Variants in ADAMTS2 observed in about 807,000 individuals in gnomAD.
The protein encoded by ADAMTS2 is ADAM metallopeptidase with thrombospondin type 1 motif 2, also known as A disintegrin and metalloproteinase with thrombospondin motifs 2.
ADAMTS2 carries 50 observed loss-of-function variants against 123.0 expected under a neutral mutation model. That is an observed-to-expected ratio of 0.41 (90% CI 0.32 to 0.51). The LOEUF is 0.51. Ranked by LOEUF, ADAMTS2 falls within the 20% of genes least tolerant of loss-of-function variation. The pLI is 0.35. For missense variants in ADAMTS2, 1,494 were observed against 1,705.2 expected, an observed-to-expected ratio of 0.88 and a Z score of 2.18; for synonymous variants, 678 against 695.4, an observed-to-expected ratio of 0.98 and a Z score of 0.39.
chr5:179,305,669 T>C (rs1172352970), intron 2 of ADAMTS2, among the ~76,000 whole-genome samples: 1 of 151,940 alleles, frequency 6.6e-6, no homozygotes, highest in Non-Finnish European at 1.5e-5. Context: ...ATGAAAATAA[T>C]AGAGAAGATC....
intron 2 of ADAMTS2, among the ~76,000 whole-genome samples, chr5:179,315,760 G>GGAGAGAA (rs1756973859): frequency 1.3e-5 from 2 of 152,016 alleles, no homozygotes; most frequent in Non-Finnish European, 2.9e-5. Context: ...ACTGGAGAGA[G>GGAGAGAA]GGCTTGGTGG....
chr5:179,241,587 G>A (rs575791219), intron 3 of ADAMTS2, among the ~76,000 whole-genome samples: 1 of 152,336 alleles, frequency 6.6e-6, no homozygotes, highest in Non-Finnish European at 1.5e-5. Context: ...TAATTTCAGT[G>A]TATTAAAATC....
At chr5:179,276,310 C>T (rs1023005744) in intron 2 of ADAMTS2, among the ~76,000 whole-genome samples, 1 of 152,130 alleles carries the variant, frequency 6.6e-6, no homozygotes, top group East Asian at 1.9e-4. Context: ...GGTCCCGGTG[C>T]GTGGTGTGGA....
At position 179,121,762 on chromosome 5, in the gene ADAMTS2, A is replaced by G; in HGVS notation, c.3089-12T>C. The stretch of plus-strand genomic sequence containing the variant: ...ATCTGAGATGTTTCCTAGAGGGAGG[A>G]GAGAGGGGCTGCGGCCGCAGGGCAC... On this transcript the variant is annotated splice_polypyrimidine_tract_variant and intron_variant, in intron 20 of 21. Transcript: ENST00000251582. 3.3e-6 allele frequency: 5 copies of G among 1,537,434 alleles called. No individual in the cohort carries two copies. The highest frequency in any genetic ancestry group is 4.4e-6 in the Non-Finnish European group (5 of 1,136,092).
chr5:179,240,608 C>A (rs576372274), intron 3 of ADAMTS2, among the ~76,000 whole-genome samples: 1 of 152,268 alleles, frequency 6.6e-6, no homozygotes, highest in African/African-American at 2.4e-5. Flanking sequence ...AAGGCCAAAT[C>A]CAGTGGGGAG....
chr5:179,131,912 C>G (rs1384089465), intron 15 of ADAMTS2, among the ~76,000 whole-genome samples: 9 of 152,190 alleles, frequency 5.9e-5, no homozygotes, highest in Non-Finnish European at 1.3e-4. Flanking sequence ...GGGCAGGGGG[C>G]CTTCCCGCCC....
intron 2 of ADAMTS2, among the ~76,000 whole-genome samples, chr5:179,296,302 G>A (rs1012800381): frequency 6.6e-6 from 1 of 152,188 alleles, no homozygotes; most frequent in Non-Finnish European, 1.5e-5. Context: ...TCAAGGGACG[G>A]GCAGGGGCAA....
At chr5:179,309,488 T>C (rs1485970038) in intron 2 of ADAMTS2, among the ~76,000 whole-genome samples, 4 of 152,030 alleles carry the variant, frequency 2.6e-5, no homozygotes, top group Admixed American at 1.3e-4. Flanking sequence ...TGCAGAAAGC[T>C]GGGGCTGACT....
At chr5:179,164,945 T>C (rs1462164331) in intron 5 of ADAMTS2, among the ~76,000 whole-genome samples, 1 of 152,204 alleles carries the variant, frequency 6.6e-6, no homozygotes, top group South Asian at 2.1e-4. Flanking sequence ...AAGAAACTGA[T>C]GTCCAGGCAG....
At chr5:179,270,893 G>A (rs1481610751) in intron 3 of ADAMTS2, among the ~76,000 whole-genome samples, 1 of 152,162 alleles carries the variant, frequency 6.6e-6, no homozygotes, top group Non-Finnish European at 1.5e-5. Flanking sequence ...CCAAGTTCTG[G>A]GATCCAGACC....
chr5:179,288,084 G>A (rs550847170), intron 2 of ADAMTS2, among the ~76,000 whole-genome samples: 1 of 152,322 alleles, frequency 6.6e-6, no homozygotes, highest in East Asian at 1.9e-4. Context: ...CCCAGCCAGA[G>A]GACCCCCCCT....
intron 2 of ADAMTS2, among the ~76,000 whole-genome samples, chr5:179,282,278 G>A (rs1368056016): frequency 6.6e-6 from 1 of 152,186 alleles, no homozygotes; most frequent in East Asian, 1.9e-4. Flanking sequence ...GCTCTTACAT[G>A]TAGATCTATG....
In ADAMTS2 at chr5:179,285,819, C is replaced by G. The variant is rs1262798046; in HGVS notation, c.535-12755G>C. Among the ~76,000 whole-genome samples, 2 of 152,220 alleles carry G rather than the reference C, an allele frequency of 1.3e-5. No individual in the cohort carries two copies. The highest frequency in any genetic ancestry group is 4.8e-5 in the African/African-American group (2 of 41,462). Reference sequence around the variant, plus strand: ...CTATCAAAAAGCAAGATTTTTCTTTCTGAGCTTCCATGTCTCACCAGCTGG... The same window carrying G: ...CTATCAAAAAGCAAGATTTTTCTTTGTGAGCTTCCATGTCTCACCAGCTGG... On this transcript the variant is annotated intron_variant, in intron 2 of 21. Transcript: ENST00000251582. The surrounding 1 kb of genome is among the most constrained non-coding windows in gnomAD (Gnocchi z 4.9).
At chr5:179,247,794 C>G (rs1425189249) in intron 3 of ADAMTS2, among the ~76,000 whole-genome samples, 2 of 49,240 alleles carry the variant, frequency 4.1e-5, no homozygotes, top group Non-Finnish European at 2.3e-4. Flanking sequence ...TTCAAAAATA[C>G]AAGAAAAATT....
intron 2 of ADAMTS2, among the ~76,000 whole-genome samples, chr5:179,290,060 G>A (rs539394154): frequency 2.2e-4 from 33 of 152,332 alleles, no homozygotes; most frequent in African/African-American, 7.5e-4. Flanking sequence ...GAGTGCTACG[G>A]TTAGAATGTG....
chr5:179,328,246 A>C (rs533827037), intron 2 of ADAMTS2, among the ~76,000 whole-genome samples: 1 of 152,186 alleles, frequency 6.6e-6, no homozygotes, highest in East Asian at 1.9e-4. Flanking sequence ...GTTAGCCAGG[A>C]TGGTCTCGAT....
rs142440587 is a variant in ADAMTS2, at chr5:179,180,357, G to A, written c.975+715C>T. 1.3e-5 allele frequency among the ~76,000 whole-genome samples: 2 copies of A among 152,314 alleles called. No individual in the cohort carries two copies. The highest frequency in any genetic ancestry group is 3.9e-4 in the East Asian group (2 of 5,180). On this transcript the variant is annotated intron_variant, in intron 5 of 21. Transcript: ENST00000251582. This position sits in a 1 kb window ranked among gnomAD's most constrained non-coding sequence, Gnocchi z 4.6. ...AGAGAGCCCAGCTGGGACAGCAGCCGAGGCCAGAGGAGAGGAGGCCACAGA... is the reference window on the plus strand; with the variant it reads ...AGAGAGCCCAGCTGGGACAGCAGCCAAGGCCAGAGGAGAGGAGGCCACAGA...
In ADAMTS2 at chr5:179,275,529, GTCCTTGCCCACT is replaced by G. The variant is rs529377660; in HGVS notation, c.535-2477_535-2466del. 3.3e-5 allele frequency among the ~76,000 whole-genome samples: 5 copies of G among 152,332 alleles called. No individual in the cohort carries two copies. The East Asian group carries it at 9.7e-4, about 29-fold the overall frequency. On this transcript the variant is annotated intron_variant, in intron 2 of 21. Transcript: ENST00000251582. ...TGGGGCTGGCTGGGCCCTGAATGCAGTCCTTGCCCACTTCCTTATGCCGGGGAGTGGAGGGGG... is the reference window on the plus strand; with the variant it reads ...TGGGGCTGGCTGGGCCCTGAATGCAGTCCTTATGCCGGGGAGTGGAGGGGG...
At chr5:179,244,410 G>A (rs1463284977) in intron 3 of ADAMTS2, among the ~76,000 whole-genome samples, 3 of 152,180 alleles carry the variant, frequency 2.0e-5, no homozygotes, top group Non-Finnish European at 1.5e-5. Flanking sequence ...TTCTCCAGCA[G>A]AACTATTTTT....
Sources: gnomAD v4.1 joint callset for allele counts (sites outside exome capture counted in the v4.1 genomes callset) on GRCh38, gnomAD v4.1.1 for gene constraint, Gnocchi (gnomAD v3.1) non-coding constraint, MANE v1.5 for transcripts, NCBI Gene and HGNC (gene_info 2026-07-23, HGNC 2026-07-21) for gene names.